SPHKAP: variants seen among roughly 807,000 people sequenced by gnomAD.
The protein encoded by SPHKAP is SPHK1 interactor, AKAP domain containing.
A neutral mutation model predicts 137.5 loss-of-function variants in SPHKAP; 67 were observed. The observed-to-expected ratio is 0.49, with a 90% CI of 0.40 to 0.60. SPHKAP has a LOEUF of 0.60. SPHKAP is among the 20% of genes least tolerant of loss of function. SPHKAP has a pLI of 0.00. For missense variants in SPHKAP, 2,097 were observed against 2,069.3 expected, an observed-to-expected ratio of 1.01 and a Z score of -0.26; for synonymous variants, 813 against 785.3, an observed-to-expected ratio of 1.04 and a Z score of -0.59.
intron 1 of SPHKAP, among the ~76,000 whole-genome samples, chr2:228,154,512 C>CTCTCTCTCTCTCTCTCTATA (rs1393941364): frequency 4.5e-5 from 1 of 22,066 alleles, no homozygotes; most frequent in African/African-American, 1.8e-4. Flanking sequence ...CTCTCTCTCT[C>CTCTCTCTCTCTCTCTCTATA]TATATATATA....
At chr2:227,993,339 A>T (rs887642857) in intron 9 of SPHKAP, among the ~76,000 whole-genome samples, 195 bp downstream of exon 9, 2 of 152,188 alleles carry the variant, frequency 1.3e-5, no homozygotes, top group African/African-American at 4.8e-5. Context: ...CAGGGGGCAG[A>T]TTTGAAACCC....
At chr2:228,133,191 C>A (rs998695176) in intron 1 of SPHKAP, among the ~76,000 whole-genome samples, 1 of 151,774 alleles carries the variant, frequency 6.6e-6, no homozygotes, top group African/African-American at 2.4e-5. Flanking sequence ...CCTGTAGTCC[C>A]AACTACTTGG....
At chr2:228,062,577 T>C (rs1696688125) in intron 3 of SPHKAP, among the ~76,000 whole-genome samples, 1 of 151,804 alleles carries the variant, frequency 6.6e-6, no homozygotes, top group Admixed American at 6.6e-5. Flanking sequence ...GAGAAATATG[T>C]CTCCATACCA....
chr2:228,175,362 T>C (rs1700708842), intron 1 of SPHKAP, among the ~76,000 whole-genome samples: 1 of 152,120 alleles, frequency 6.6e-6, no homozygotes, highest in African/African-American at 2.4e-5. Context: ...AGTGTGTTTA[T>C]GACATTTGTA....
chr2:228,008,736 G>T (rs1457811102), intron 7 of SPHKAP, among the ~76,000 whole-genome samples: 2 of 151,086 alleles, frequency 1.3e-5, no homozygotes, highest in African/African-American at 4.9e-5. Flanking sequence ...GTTTATTGAA[G>T]AGACTATCTT....
rs1697523768 is a variant in SPHKAP, at chr2:228,085,932, A to G, written c.246+22900T>C. Among the ~76,000 whole-genome samples the G allele has an allele frequency of 2.6e-5, 4 of 152,334 alleles. No individual in the cohort carries two copies. In the South Asian group the frequency reaches 8.3e-4, roughly 32 times the overall value. ...AACTTTCATGAAAGAGGTCAGCCAT[A>G]TCCTCAATGAGGCTAAATGCTAAAG... On this transcript the variant is annotated intron_variant, in intron 3 of 11. Coordinates refer to ENST00000392056, the MANE Select transcript of SPHKAP (RefSeq NM_001142644.2).
intron 11 of SPHKAP, among the ~76,000 whole-genome samples, chr2:227,984,697 C>G (rs973172753): frequency 2.0e-5 from 3 of 152,162 alleles, no homozygotes; most frequent in African/African-American, 7.2e-5. Flanking sequence ...CTTTTCCTCA[C>G]TCTCCAGCTC....
chr2:227,985,751 G>A (rs1330144260), intron 11 of SPHKAP, among the ~76,000 whole-genome samples: 2 of 152,118 alleles, frequency 1.3e-5, no homozygotes, highest in Non-Finnish European at 2.9e-5. Context: ...ATATTCTTAG[G>A]TGCATTTAAT....
intron 3 of SPHKAP, among the ~76,000 whole-genome samples, chr2:228,079,554 C>T (rs1251318505): frequency 1.3e-5 from 2 of 152,200 alleles, no homozygotes; most frequent in Non-Finnish European, 2.9e-5. Flanking sequence ...CAGGCCTTTC[C>T]CATCACTGGG....
chr2:228,127,067 G>A (rs1172799244), intron 2 of SPHKAP, among the ~76,000 whole-genome samples: 4 of 152,176 alleles, frequency 2.6e-5, no homozygotes, highest in Admixed American at 2.0e-4. Context: ...CATGAAATGA[G>A]TTTGGGGAAT....
chr2:228,115,789 A>G (rs1351007129), intron 2 of SPHKAP, among the ~76,000 whole-genome samples: 2 of 152,024 alleles, frequency 1.3e-5, no homozygotes, highest in Non-Finnish European at 2.9e-5. Flanking sequence ...AGGGATGGGG[A>G]TTGTTATGGT....
chr2:228,044,726 G>T (rs1015022432), intron 3 of SPHKAP, among the ~76,000 whole-genome samples: 2 of 152,138 alleles, frequency 1.3e-5, no homozygotes. Context: ...ACAGTGAGTA[G>T]GATAACAACT....
At position 228,139,910 on chromosome 2, in the gene SPHKAP, T is replaced by TTTTCTTTCTTTCTTTC. The variant is rs368274825; in HGVS notation, c.33-7841_33-7826dup. The stretch of plus-strand genomic sequence containing the variant: ...CTAGAGTTCTTTATTTCTTTATTTA[T>TTTTCTTTCTTTCTTTC]TTTCTTTCTTTCTTTCTTTCTTTCT... On this transcript the variant is annotated intron_variant, in intron 1 of 11. Coordinates refer to ENST00000392056, the MANE Select transcript of SPHKAP (RefSeq NM_001142644.2). Among the ~76,000 whole-genome samples the TTTTCTTTCTTTCTTTC allele has an allele frequency of 7.5e-3, 1,038 of 137,616 alleles. 26 individuals are homozygous for TTTTCTTTCTTTCTTTC. The highest frequency in any genetic ancestry group is 0.025 in the African/African-American group (971 of 38,396). The allele number at this position is 137,616 out of a possible 152,430, so 90.3% of individuals were successfully genotyped here.
chr2:228,047,620 TACTC>T (rs796237275), intron 3 of SPHKAP, among the ~76,000 whole-genome samples: 31 of 152,308 alleles, frequency 2.0e-4, no homozygotes, highest in African/African-American at 6.5e-4. Context: ...TCATTCACTT[TACTC>T]ACTCACTTAT....
At chr2:228,168,848 T>C (rs183610610) in intron 1 of SPHKAP, among the ~76,000 whole-genome samples, 45 of 152,186 alleles carry the variant, frequency 3.0e-4, no homozygotes, top group African/African-American at 1.1e-3. Flanking sequence ...AGCCACATTG[T>C]GAATGCAAAG....
intron 2 of SPHKAP, among the ~76,000 whole-genome samples, chr2:228,128,022 T>A (rs1699131048): frequency 6.6e-6 from 1 of 152,174 alleles, no homozygotes; most frequent in African/African-American, 2.4e-5. Flanking sequence ...TGTCTCCAGG[T>A]TGATGGCTAC....
chr2:228,134,952 G>A (rs939029597), intron 1 of SPHKAP, among the ~76,000 whole-genome samples: 3 of 152,106 alleles, frequency 2.0e-5, no homozygotes, highest in Admixed American at 1.3e-4. Flanking sequence ...ACCTCAGGCC[G>A]CTCCTTCCAG....
At chr2:228,113,619 CT>C (rs1559180280) in intron 2 of SPHKAP, among the ~76,000 whole-genome samples, 1 of 139,316 alleles carries the variant, frequency 7.2e-6, no homozygotes, top group East Asian at 2.0e-4. Flanking sequence ...CTCTCTCTCT[CT>C]CTCTCTCTCT....
intron 3 of SPHKAP, among the ~76,000 whole-genome samples, chr2:228,046,809 G>A (rs1041065919): frequency 5.9e-5 from 9 of 152,128 alleles, no homozygotes; most frequent in African/African-American, 2.2e-4. Flanking sequence ...AGGGCCTTCA[G>A]AAAAGCCTCA....
Sources: allele counts gnomAD v4.1 joint callset (sites outside exome capture counted in the v4.1 genomes callset), GRCh38; gene constraint gnomAD v4.1.1; transcripts MANE v1.5; gene names NCBI Gene and HGNC (gene_info 2026-07-23, HGNC 2026-07-21).